Variants in ZDHHC22 observed in about 807,000 individuals in gnomAD.
The protein encoded by ZDHHC22 is palmitoyltransferase ZDHHC22.
Under a neutral mutation model 17.0 loss-of-function variants are expected in ZDHHC22, and 13 were observed. The observed-to-expected ratio is 0.76, with a 90% confidence interval of 0.50 to 1.21. The LOEUF (loss-of-function observed/expected upper bound fraction) is 1.21, where lower values mean the gene tolerates loss of function less well. Ranked by LOEUF, ZDHHC22 falls within the 50% of genes most tolerant of loss-of-function variation. ZDHHC22 has a pLI of 0.00. For missense variants in ZDHHC22, 319 were observed against 342.3 expected (o/e 0.93, Z 0.54); for synonymous variants, 138 against 154.7 (o/e 0.89, Z 0.80).
chr14:77,137,438 A>C (rs1334730715), intron 2 of ZDHHC22, among the ~76,000 whole-genome samples: 2 of 152,160 alleles, frequency 1.3e-5, no homozygotes, highest in African/African-American at 4.8e-5. Context: ...GGAACCATCC[A>C]TTTTTACGGT....
In ZDHHC22 at chr14:77,140,769, G is replaced by A. The variant is rs1887238977; in HGVS notation, c.-15+834C>T. ...TGGATGCTTGGCCAGCCTTTCCTGG[G>A]ATCGACCCCGCCGCCGTGCTCAGCC... On this transcript the variant is annotated intron_variant, in intron 1 of 2. Coordinates refer to ENST00000319374, the MANE Select transcript of ZDHHC22 (RefSeq NM_174976.2). This position sits in a 1 kb window ranked among gnomAD's most constrained non-coding sequence, Gnocchi z 5.9. The A allele has an allele frequency of 1.3e-5, 2 of 152,140 alleles. No individual in the cohort carries two copies. The highest frequency in any genetic ancestry group is 1.5e-5 in the Non-Finnish European group (1 of 68,072). 9.4% of individuals were successfully genotyped at this position (152,140 alleles called of 1,614,324 possible).
intron 2 of ZDHHC22, 98 bp downstream of exon 2, chr14:77,139,115 A>G (rs1887192503): frequency 7.4e-7 from 1 of 1,353,180 alleles, no homozygotes; most frequent in African/African-American, 1.5e-5. Context: ...TTTATTTGCT[A>G]AATCTGGCAA....
At position 77,133,886 on chromosome 14, in the gene ZDHHC22, G is replaced by A; in HGVS notation, c.589C>T (p.Leu197=). Residue 197 remains leucine (L), a synonymous_variant, in exon 3 of 3, where the codon CTG becomes TTG. Coordinates refer to ENST00000319374, the MANE Select transcript of ZDHHC22 (RefSeq NM_174976.2). ...TGGCAGCAGAAGCCGGCGCAGGCCA[G>A]GCCGATGGCGAACCAGAGGTAGAGC... ...LMLYLWFAIG[L]ACAGFCCHQL... 1 of 1,612,626 alleles carries A rather than the reference G, an allele frequency of 6.2e-7. No individual in the cohort carries two copies. The highest frequency in any genetic ancestry group is 8.5e-7 in the Non-Finnish European group (1 of 1,179,246).
At position 77,131,836 on chromosome 14, in the gene ZDHHC22, G is replaced by GC. The variant is rs1298243643; in HGVS notation, c.*1846_*1847insG. ...CCAGTGCCTGGAAGAGGCTGGGAAC[G>GC]TAGTTGGCACTCAATAAATATACGT... On this transcript the variant is annotated 3_prime_UTR_variant, in exon 3 of 3. Coordinates refer to ENST00000319374, the MANE Select transcript of ZDHHC22 (RefSeq NM_174976.2). 1 of 152,254 alleles carries GC rather than the reference G, an allele frequency of 6.6e-6. No homozygotes were observed. The highest frequency in any genetic ancestry group is 1.9e-4 in the East Asian group (1 of 5,204). The allele number at this position is 152,254 out of a possible 1,614,324, so 9.4% of individuals were successfully genotyped here. A position where few individuals can be genotyped will look rare whatever the true frequency, so the allele number is the denominator to read the frequency against.
In ZDHHC22 at chr14:77,139,619, G is replaced by A; in HGVS notation, c.120C>T (p.Ala40=). 6.3e-7 allele frequency: 1 copy of A among 1,582,028 alleles called. No individual in the cohort carries two copies. Among genetic ancestry groups the A allele is most frequent in the Admixed American group, 1.8e-5 (1 of 54,962 alleles). The change falls in exon 2 of 3, where the codon GCC becomes GCT. Residue 40 remains alanine (A), a synonymous_variant. Transcript: ENST00000319374. ...GCAGGGCGGGCGAGAAGAGCCGGGC[G>A]GCCGCGGGGTCCTCGCGCATGCTGG... is the stretch of plus-strand genomic sequence containing the variant. ...FLPSMREDPA[A]ARLFSPALLH...
intron 2 of ZDHHC22, 101 bp downstream of exon 2, chr14:77,139,112 G>T: frequency 7.6e-7 from 1 of 1,313,460 alleles, no homozygotes; most frequent in Non-Finnish European, 1.0e-6. Flanking sequence ...ATTTTTATTT[G>T]CTAAATCTGG....
In ZDHHC22 at chr14:77,133,773, T is replaced by C. The variant is rs891912239; in HGVS notation, c.702A>G (p.Leu234=). The C allele has an allele frequency of 4.3e-6, 7 of 1,614,024 alleles. No individual in the cohort carries two copies. In the Admixed American group the frequency reaches 1.2e-4, roughly 27 times the overall value. ...GCCACCTCTTTCCGAAGACCTCTTG[T>C]AAGTTCTTGCGCCAGGGCCGGGCCC... ...AVRARPWRKN[L]QEVFGKRWLL... Residue 234 remains leucine (L), a synonymous_variant, in exon 3 of 3, where the codon TTA becomes TTG. Coordinates refer to ENST00000319374, the MANE Select transcript of ZDHHC22 (RefSeq NM_174976.2).
rs978861419 is a variant in ZDHHC22 at position 77,133,114 on chromosome 14, G to C, written c.*569C>G. On this transcript the variant is annotated 3_prime_UTR_variant, in exon 3 of 3. Coordinates refer to ENST00000319374, the MANE Select transcript of ZDHHC22 (RefSeq NM_174976.2). ...CCAGAAAAAGGGTCTTGAACCTGGT[G>C]GGGGGTGGTGAGGGAGCAGCAAGCT... The C allele has an allele frequency of 1.3e-5, 2 of 152,666 alleles. No individual in the cohort carries two copies. The highest frequency in any genetic ancestry group is 2.9e-5 in the Non-Finnish European group (2 of 68,430). 9.5% of individuals were successfully genotyped at this position (152,666 alleles called of 1,614,324 possible). A position where few individuals can be genotyped will look rare whatever the true frequency, so the allele number is the denominator to read the frequency against.
intron 2 of ZDHHC22, among the ~76,000 whole-genome samples, chr14:77,138,227 G>A (rs1370158203): frequency 1.3e-5 from 2 of 152,144 alleles, no homozygotes; most frequent in Non-Finnish European, 2.9e-5. Flanking sequence ...TCTAGGGCCA[G>A]GTATCAGGTA....
At chr14:77,139,157 C>A in intron 2 of ZDHHC22, 56 bp downstream of exon 2, 3 of 1,513,182 alleles carry the variant, frequency 2.0e-6, no homozygotes, top group South Asian at 1.2e-5. Flanking sequence ...GCCCGGCAAC[C>A]TTTGGGGTGG....
At position 77,131,849 on chromosome 14, in the gene ZDHHC22, A is replaced by G. The variant is rs942960272; in HGVS notation, c.*1834T>C. The stretch of plus-strand genomic sequence containing the variant: ...GAGGCTGGGAACGTAGTTGGCACTC[A>G]ATAAATATACGTAGGATGGATGAGT... On this transcript the variant is annotated 3_prime_UTR_variant, in exon 3 of 3. Transcript: ENST00000319374. 6.6e-6 allele frequency: 1 copy of G among 152,252 alleles called. No homozygotes were observed. Among genetic ancestry groups the G allele is most frequent in the South Asian group, 2.1e-4 (1 of 4,834 alleles). The allele number at this position is 152,252 out of a possible 1,614,324, so 9.4% of individuals were successfully genotyped here.
chr14:77,139,139 G>A (rs949481740), intron 2 of ZDHHC22, 74 bp downstream of exon 2: 4 of 1,480,780 alleles, frequency 2.7e-6, no homozygotes, highest in Non-Finnish European at 3.6e-6. Flanking sequence ...TTGGGGTTGG[G>A]GTTTGGGGCC....
Position 77,139,266 on chromosome 14 carries a change from T to TG in ZDHHC22, c.472dup (p.His158ProfsTer25). ...CAGGAGCGTGAGGAAGGCCAAGGGG[T>TG]GGGCGAAGGAGATGGAAAGGACAGC... is the stretch of plus-strand genomic sequence containing the variant. On this transcript the variant is annotated frameshift_variant, in exon 2 of 3. Transcript: ENST00000319374. LOFTEE classifies it high-confidence loss of function. The TG allele has an allele frequency of 1.3e-6, 2 of 1,593,406 alleles. No homozygotes were observed. The highest frequency in any genetic ancestry group is 2.7e-5 in the African/African-American group (2 of 74,454).
intron 1 of ZDHHC22, 25 bp from the exon 2 acceptor site, chr14:77,139,777 G>C: frequency 6.9e-7 from 1 of 1,453,956 alleles, no homozygotes; most frequent in Non-Finnish European, 9.1e-7. Context: ...GTGAGAAGAG[G>C]ACTGACTGAC....
chr14:77,140,515 G>A lies in ZDHHC22; in HGVS notation c.-14-763C>T, dbSNP rs1361244728. On this transcript the variant is annotated intron_variant, in intron 1 of 2. Transcript: ENST00000319374. The surrounding 1 kb of genome is among the most constrained non-coding windows in gnomAD (Gnocchi z 5.9). The stretch of plus-strand genomic sequence containing the variant: ...ACACTCACACTCGCTCTCGGGCACC[G>A]GGTGAGGTGGGGGCGCAACCAGAAT... 6.6e-6 allele frequency: 1 copy of A among 152,236 alleles called. No individual in the cohort carries two copies. Among genetic ancestry groups the A allele is most frequent in the African/African-American group, 2.4e-5 (1 of 41,450 alleles). 9.4% of individuals were successfully genotyped at this position (152,236 alleles called of 1,614,324 possible). A position where few individuals can be genotyped will look rare whatever the true frequency, so the allele number is the denominator to read the frequency against.
Position 77,132,037 on chromosome 14 carries a change from G to A in ZDHHC22, c.*1646C>T, listed in dbSNP as rs975707148. On this transcript the variant is annotated 3_prime_UTR_variant, in exon 3 of 3. Transcript: ENST00000319374. ...AGCGGGTCACTGCAGTTGGCGGTTG[G>A]ACATTGCAGGGCATGGATTCAGCAC... 2.6e-5 allele frequency: 4 copies of A among 152,192 alleles called. No homozygotes were observed. The highest frequency in any genetic ancestry group is 9.7e-5 in the African/African-American group (4 of 41,412). 9.4% of individuals were successfully genotyped at this position (152,192 alleles called of 1,614,324 possible).
chr14:77,134,718 C>CCACTGAGTAAGAGCTCCCA (rs1887102919), intron 2 of ZDHHC22, among the ~76,000 whole-genome samples: 1 of 152,054 alleles, frequency 6.6e-6, no homozygotes, highest in Non-Finnish European at 1.5e-5. Flanking sequence ...TTTGAAATAA[C>CCACTGAGTAAGAGCTCCCA]CACTGAGTAA....
rs1216490792 is a variant in ZDHHC22, at chr14:77,133,860, G to A, written c.615C>T (p.His205=). The change falls in exon 3 of 3, where the codon CAC becomes CAT. Residue 205 remains histidine (H), a synonymous_variant. Coordinates refer to ENST00000319374, the MANE Select transcript of ZDHHC22 (RefSeq NM_174976.2). The part of the protein sequence containing the change: ...IGLACAGFCC[H]QLLLILRGQT... ...GCCCGCGGAGGATCAACAGCAGCTG[G>A]TGGCAGCAGAAGCCGGCGCAGGCCA... 2 of 1,613,392 alleles carry A rather than the reference G, an allele frequency of 1.2e-6. No individual in the cohort carries two copies. The highest frequency in any genetic ancestry group is 1.1e-5 in the South Asian group (1 of 91,024).
rs1047567669 is a variant in ZDHHC22 at position 77,132,917 on chromosome 14, G to A, written c.*766C>T. ...TATCTTTCCCTGTCCCTTCTTCCTT[G>A]CCTTCCCATCATCTGGCAAAGACCT... On this transcript the variant is annotated 3_prime_UTR_variant, in exon 3 of 3. Transcript: ENST00000319374. 6.6e-6 allele frequency: 1 copy of A among 150,496 alleles called. No individual in the cohort carries two copies. Among genetic ancestry groups the A allele is most frequent in the Non-Finnish European group, 1.5e-5 (1 of 67,834 alleles). The allele number at this position is 150,496 out of a possible 1,614,324, so 9.3% of individuals were successfully genotyped here.
Sources: gnomAD v4.1 joint callset for allele counts (sites outside exome capture counted in the v4.1 genomes callset) on GRCh38, gnomAD v4.1.1 for gene constraint, Gnocchi (gnomAD v3.1) non-coding constraint, MANE v1.5 for transcripts, NCBI Gene and HGNC (gene_info 2026-07-23, HGNC 2026-07-21) for gene names.